ZBTB10: variants seen among roughly 807,000 people sequenced by gnomAD.
The protein encoded by ZBTB10 is zinc finger and BTB domain containing 10.
Under a neutral mutation model 76.4 loss-of-function variants are expected in ZBTB10, and 32 were observed. The observed-to-expected ratio is 0.42, with a 90% confidence interval of 0.32 to 0.56. The LOEUF is 0.56. Among genes scored for constraint, ZBTB10 ranks in the 20% least tolerant of loss-of-function variants. The pLI is 0.14. For synonymous variants in ZBTB10, 523 were observed against 432.9 expected (o/e 1.21, Z -2.58); for missense variants, 1,057 against 1,098.5 (o/e 0.96, Z 0.53).
Position 80,519,360 on chromosome 8 carries a change from G to T in ZBTB10, c.2448G>T (p.Gly816=). 1 of 1,613,556 alleles carries T rather than the reference G, an allele frequency of 6.2e-7. No homozygotes were observed. The highest frequency in any genetic ancestry group is 1.3e-5 in the African/African-American group (1 of 75,014). ...GTGCAGATAAATCACAGCCAGGAGG[G>T]CAAGAAGGTGTAGATCAGGGACAGG... is the stretch of plus-strand genomic sequence containing the variant. ...VDCADKSQPG[G]QEGVDQGQDT... is the part of the protein sequence containing the mutation. The change falls in exon 6 of 6, where the codon GGG becomes GGT. Residue 816 remains glycine, a synonymous_variant. Coordinates refer to ENST00000455036, the MANE Select transcript of ZBTB10 (RefSeq NM_001105539.3).
intron 1 of ZBTB10, among the ~76,000 whole-genome samples, chr8:80,492,411 A>G (rs1815654126): frequency 6.6e-6 from 1 of 152,190 alleles, no homozygotes; most frequent in Non-Finnish European, 1.5e-5. Context: ...GTAGTTTAGT[A>G]AGGAGAGACA....
In ZBTB10 at chr8:80,524,841, C is replaced by G. The variant is rs573168480; in HGVS notation, c.*5313C>G. ...GGCTGCTTCAGAAAAAGGTCTACCA[C>G]TGGAGATAACGCTATGAAAAGTGAA... On this transcript the variant is annotated 3_prime_UTR_variant, in exon 6 of 6. Coordinates refer to ENST00000455036, the MANE Select transcript of ZBTB10 (RefSeq NM_001105539.3). 157 of 152,190 alleles carry G rather than the reference C, an allele frequency of 1.0e-3. No individual in the cohort carries two copies. Among genetic ancestry groups the G allele is most frequent in the African/African-American group, 3.6e-3 (151 of 41,554 alleles). The allele number at this position is 152,190 out of a possible 1,614,324, so 9.4% of individuals were successfully genotyped here.
At position 80,499,680 on chromosome 8, in the gene ZBTB10, C is replaced by T. The variant is rs1485932216; in HGVS notation, c.1159C>T (p.Arg387Cys). ...TAAGAACATCCTGGTTGCAGGCAGC[C>T]GTTTCTTTAAGACTTTATATTGCTT... is the stretch of plus-strand genomic sequence containing the variant. ...AHKNILVAGS[R>C]FFKTLYCFSN... The change falls in exon 2 of 6, where the codon CGT (arginine) becomes TGT (cysteine). Residue 387 changes from arginine to cysteine, a missense_variant. By Grantham distance (180) the Arg-to-Cys change is radical (BLOSUM62 -3). Around this residue, in one of 5 missense-constraint regions of ZBTB10, gnomAD observed 86 missense variants for 145.7 expected, o/e 0.59. Transcript: ENST00000455036. The T allele has an allele frequency of 2.7e-5, 44 of 1,613,788 alleles. No individual in the cohort carries two copies. Among genetic ancestry groups the T allele is most frequent in the Non-Finnish European group, 3.6e-5 (42 of 1,179,858 alleles).
chr8:80,487,553 G>T lies in ZBTB10; in HGVS notation c.743G>T (p.Cys248Phe), dbSNP rs748899156. The change falls in exon 1 of 6, where the codon TGC becomes TTC. Residue 248 changes from cysteine to phenylalanine, a missense_variant. Cys to Phe is a radical substitution (Grantham distance 205). Coordinates refer to ENST00000455036, the MANE Select transcript of ZBTB10 (RefSeq NM_001105539.3). ...AAGTCTCTAATGCAGAAGCTCCAAT[G>T]CTCCTTCCAGACCTCCTGGCTCAAG... is the stretch of plus-strand genomic sequence containing the variant. ...RPKSLMQKLQ[C>F]SFQTSWLKDF... 1.5e-5 allele frequency: 24 copies of T among 1,604,306 alleles called. No homozygotes were observed. In the Admixed American group the frequency reaches 3.8e-4, roughly 25 times the overall value.
intron 2 of ZBTB10, among the ~76,000 whole-genome samples, chr8:80,507,045 C>T (rs1050444269): frequency 4.6e-5 from 7 of 152,270 alleles, no homozygotes; most frequent in Non-Finnish European, 7.3e-5. Flanking sequence ...TGCAGTGGCT[C>T]GCGCCTGTAA....
intron 1 of ZBTB10, among the ~76,000 whole-genome samples, chr8:80,490,988 G>A (rs1815615901): frequency 6.6e-6 from 1 of 152,178 alleles, no homozygotes; most frequent in Non-Finnish European, 1.5e-5. Flanking sequence ...TGAATCACTT[G>A]AGGTCAGGAG....
intron 3 of ZBTB10, among the ~76,000 whole-genome samples, chr8:80,517,105 G>C (rs914077605): frequency 6.6e-6 from 1 of 152,192 alleles, no homozygotes; most frequent in Non-Finnish European, 1.5e-5. Flanking sequence ...AGCTTTGGAG[G>C]ATATTGAAAG....
In ZBTB10 at chr8:80,487,098, C is replaced by T. The variant is rs751894693; in HGVS notation, c.288C>T (p.Leu96=). The T allele has an allele frequency of 8.6e-6, 13 of 1,518,860 alleles. No individual in the cohort carries two copies. The highest frequency in any genetic ancestry group is 4.9e-5 in the South Asian group (4 of 81,896). 94.1% of individuals were successfully genotyped at this position (1,518,860 alleles called of 1,614,324 possible). The change falls in exon 1 of 6, where the codon CTC becomes CTT. Residue 96 remains leucine (L), a synonymous_variant. Coordinates refer to ENST00000455036, the MANE Select transcript of ZBTB10 (RefSeq NM_001105539.3). ...CCGAGGAAGCCAAGGAGTTGCTGCT[C>T]CCCCAAGACGCGGGCGGCCCCACCT... ...GAAEEAKELL[L]PQDAGGPTSL... is the part of the protein sequence containing the mutation.
intron 5 of ZBTB10, 89 bp from the exon 6 acceptor site, chr8:80,519,134 C>T: frequency 5.6e-6 from 8 of 1,440,272 alleles, no homozygotes; most frequent in South Asian, 1.4e-5. Flanking sequence ...TATTCACTCA[C>T]TATTAAATGT....
chr8:80,512,897 C>T (rs970946824), intron 2 of ZBTB10, among the ~76,000 whole-genome samples: 2 of 152,024 alleles, frequency 1.3e-5, no homozygotes, highest in African/African-American at 4.8e-5. Flanking sequence ...TCACCAGTAT[C>T]GCTCAGTAAG....
At chr8:80,509,583 G>A (rs1393251498) in intron 2 of ZBTB10, among the ~76,000 whole-genome samples, 1 of 152,108 alleles carries the variant, frequency 6.6e-6, no homozygotes, top group Non-Finnish European at 1.5e-5. Context: ...TAAAATTCCT[G>A]TCATGACCAA....
chr8:80,486,314 G>GT lies in ZBTB10; in HGVS notation c.-494dup. 2 of 1,000,904 alleles carry GT rather than the reference G, an allele frequency of 2.0e-6. No homozygotes were observed. The highest frequency in any genetic ancestry group is 2.4e-6 in the Non-Finnish European group (2 of 840,948). The allele number at this position is 1,000,904 out of a possible 1,614,324, so 62.0% of individuals were successfully genotyped here. On this transcript the variant is annotated 5_prime_UTR_variant, in exon 1 of 6. An upstream open reading frame in the 5' UTR loses its in-frame stop. Coordinates refer to ENST00000455036, the MANE Select transcript of ZBTB10 (RefSeq NM_001105539.3). ...CTTCGTTATGTGGCGGAGCCGAGCA[G>GT]TTTAGCGTGCCTCTCACCCTCAGCG... is the stretch of plus-strand genomic sequence containing the variant.
At position 80,499,594 on chromosome 8, in the gene ZBTB10, G is replaced by T. The variant is rs1815870891; in HGVS notation, c.1073G>T (p.Arg358Ile). 6.2e-7 allele frequency: 1 copy of T among 1,613,796 alleles called. No homozygotes were observed. The highest frequency in any genetic ancestry group is 1.3e-5 in the African/African-American group (1 of 74,918). Residue 358 changes from arginine (R) to isoleucine (I), a missense_variant, in exon 2 of 6, where the codon AGA becomes ATA. Physicochemically the swap from Arg to Ile is moderately conservative, Grantham distance 97. Coordinates refer to ENST00000455036, the MANE Select transcript of ZBTB10 (RefSeq NM_001105539.3). Reference protein sequence around the residue: ...YQLLRQLNEQRKKGILCDVSI... With the variant: ...YQLLRQLNEQIKKGILCDVSI... Reference sequence around the variant, plus strand: ...CTTCTGCGACAACTAAATGAACAGAGAAAGAAAGGTATTCTTTGTGATGTC... The same window carrying T: ...CTTCTGCGACAACTAAATGAACAGATAAAGAAAGGTATTCTTTGTGATGTC...
chr8:80,499,040 T>G (rs1179587360), intron 1 of ZBTB10, among the ~76,000 whole-genome samples: 2 of 152,214 alleles, frequency 1.3e-5, no homozygotes, highest in African/African-American at 4.8e-5. Flanking sequence ...TTTACCTTTT[T>G]ATTAATGGTA....
intron 4 of ZBTB10, 51 bp downstream of exon 4, chr8:80,518,630 CAATT>C: frequency 3.3e-6 from 5 of 1,507,584 alleles, no homozygotes; most frequent in Non-Finnish European, 4.4e-6. Context: ...TAATTGTTAA[CAATT>C]AAAAGCTTTC....
Position 80,500,314 on chromosome 8 carries a change from A to G in ZBTB10, c.1793A>G (p.Asp598Gly). ...IPPNNETNLEDCSVMQPPVAY... is the reference protein window; with the variant it reads ...IPPNNETNLEGCSVMQPPVAY... ...CCTAATAATGAAACGAATTTAGAAG[A>G]TTGCTCAGTAATGCAGCCACCTGTT... Residue 598 changes from aspartate (D) to glycine (G), a missense_variant, in exon 2 of 6, where the codon GAT becomes GGT. Asp to Gly is a moderately conservative substitution (Grantham distance 94). Transcript: ENST00000455036. 6.3e-7 allele frequency: 1 copy of G among 1,584,462 alleles called. No individual in the cohort carries two copies. Among genetic ancestry groups the G allele is most frequent in the Non-Finnish European group, 8.6e-7 (1 of 1,164,554 alleles).
At chr8:80,505,882 C>A (rs974874874) in intron 2 of ZBTB10, among the ~76,000 whole-genome samples, 12 of 150,866 alleles carry the variant, frequency 8.0e-5, no homozygotes, top group Admixed American at 7.9e-4. Flanking sequence ...GTACTTGGAA[C>A]TACAGGTGGG....
upstream of ZBTB10, chr8:80,485,798 G>A: frequency 1.3e-6 from 2 of 1,535,422 alleles, no homozygotes; most frequent in Non-Finnish European, 8.7e-7. Flanking sequence ...CAAGGCTGGA[G>A]CGCAGCTCCC....
In ZBTB10 at chr8:80,500,207, T is replaced by C. The variant is rs1175172758; in HGVS notation, c.1686T>C (p.Asn562=). ...AAACAAAAGTGTTTATTTGGAATAATATGGGCTCCCAGGGAATTCAAGAGA... is the reference window on the plus strand; with the variant it reads ...AAACAAAAGTGTTTATTTGGAATAACATGGGCTCCCAGGGAATTCAAGAGA... ...EGQTKVFIWN[N]MGSQGIQETG... Residue 562 remains asparagine (N), a synonymous_variant, in exon 2 of 6, where the codon AAT becomes AAC. Transcript: ENST00000455036. 1 of 1,601,904 alleles carries C rather than the reference T, an allele frequency of 6.2e-7. No homozygotes were observed. The highest frequency in any genetic ancestry group is 8.5e-7 in the Non-Finnish European group (1 of 1,173,432).
Sources: gnomAD v4.1 joint callset for allele counts (sites outside exome capture counted in the v4.1 genomes callset) on GRCh38, gnomAD v4.1.1 for gene constraint, gnomAD v4.1.1 regional missense constraint, MANE v1.5 for transcripts, NCBI Gene and HGNC (gene_info 2026-07-23, HGNC 2026-07-21) for gene names.